Variants in CAMKMT observed in about 807,000 individuals in gnomAD.
The protein encoded by CAMKMT is CaM KMT.
A neutral mutation model predicts 48.0 loss-of-function variants in CAMKMT; 53 were observed. That is an observed-to-expected ratio of 1.10 (90% CI 0.89 to 1.39). CAMKMT has a LOEUF of 1.39. CAMKMT is among the 40% of genes most tolerant of loss of function. CAMKMT has a pLI of 0.00. For synonymous variants in CAMKMT, 165 were observed against 152.3 expected (o/e 1.08, Z -0.61); for missense variants, 428 against 402.7 (o/e 1.06, Z -0.54).
intron 3 of CAMKMT, among the ~76,000 whole-genome samples, chr2:44,451,085 A>C (rs1667262772): frequency 6.6e-6 from 1 of 152,150 alleles, no homozygotes; most frequent in Non-Finnish European, 1.5e-5. Flanking sequence ...CAAATTTTAA[A>C]TCTAATTTCC....
chr2:44,729,341 G>T (rs1414103331), intron 7 of CAMKMT, among the ~76,000 whole-genome samples: 2 of 152,166 alleles, frequency 1.3e-5, no homozygotes, highest in African/African-American at 2.4e-5. Context: ...CAGAAGAGAA[G>T]ATGACCAAGG....
chr2:44,626,033 T>A (rs1558753923), intron 3 of CAMKMT, among the ~76,000 whole-genome samples: 1 of 152,182 alleles, frequency 6.6e-6, no homozygotes, highest in Non-Finnish European at 1.5e-5. Context: ...AGGTTGGCAA[T>A]CTCTAAAAAA....
chr2:44,586,060 G>A (rs1347371066), intron 3 of CAMKMT, among the ~76,000 whole-genome samples: 1 of 152,174 alleles, frequency 6.6e-6, no homozygotes, highest in Non-Finnish European at 1.5e-5. Context: ...TCAGACTAGA[G>A]AAGAGAGACC....
intron 3 of CAMKMT, among the ~76,000 whole-genome samples, chr2:44,462,390 T>C (rs1036124358): frequency 1.3e-4 from 20 of 152,162 alleles, no homozygotes; most frequent in South Asian, 2.1e-4. Context: ...AATGTGCATA[T>C]GATTGGATAA....
intron 7 of CAMKMT, among the ~76,000 whole-genome samples, chr2:44,725,613 C>G: frequency 6.6e-6 from 1 of 152,080 alleles, no homozygotes; most frequent in East Asian, 1.9e-4. Context: ...TTAAAGATAA[C>G]GAAAGGAAAG....
At chr2:44,706,613 A>ATTTTTTTTTTTT (rs35364346) in intron 5 of CAMKMT, among the ~76,000 whole-genome samples, 1 of 136,226 alleles carries the variant, frequency 7.3e-6, no homozygotes, top group African/African-American at 2.7e-5. Context: ...TAGCGAAAGC[A>ATTTTTTTTTTTT]TTTTTTTTTT....
intron 3 of CAMKMT, among the ~76,000 whole-genome samples, chr2:44,661,310 CTTTTT>C (rs764984677): frequency 1.1e-5 from 1 of 89,180 alleles, no homozygotes; most frequent in South Asian, 3.9e-4. Context: ...TGTGAGCAGC[CTTTTT>C]TTTTTTTTTT....
At chr2:44,695,208 G>T (rs1676872057) in intron 3 of CAMKMT, among the ~76,000 whole-genome samples, 1 of 152,008 alleles carries the variant, frequency 6.6e-6, no homozygotes, top group Non-Finnish European at 1.5e-5. Flanking sequence ...TACATGTGCA[G>T]GTTTGTTTTA....
intron 7 of CAMKMT, among the ~76,000 whole-genome samples, chr2:44,733,224 A>T (rs1296158349): frequency 5.3e-5 from 8 of 152,158 alleles, no homozygotes; most frequent in Non-Finnish European, 1.2e-4. Context: ...AATTTCTCTC[A>T]TCCATTGTCA....
chr2:44,527,898 C>G (rs547627238), intron 3 of CAMKMT, among the ~76,000 whole-genome samples: 2 of 150,778 alleles, frequency 1.3e-5, no homozygotes, highest in Non-Finnish European at 2.9e-5. Context: ...GATTACTCTT[C>G]CTCTTTTGAC....
intron 3 of CAMKMT, among the ~76,000 whole-genome samples, chr2:44,487,345 A>G (rs1388560913): frequency 6.6e-6 from 1 of 152,128 alleles, no homozygotes; most frequent in African/African-American, 2.4e-5. Flanking sequence ...TAGCAAAGTC[A>G]TTATAGGTAA....
intron 3 of CAMKMT, among the ~76,000 whole-genome samples, chr2:44,626,928 CA>C (rs1204153042): frequency 6.6e-6 from 1 of 152,172 alleles, no homozygotes; most frequent in East Asian, 1.9e-4. Context: ...GAAGTGTTTA[CA>C]GTGGATATCC....
chr2:44,437,297 A>T (rs1347483264), intron 3 of CAMKMT, among the ~76,000 whole-genome samples: 1 of 151,980 alleles, frequency 6.6e-6, no homozygotes, highest in African/African-American at 2.4e-5. Context: ...TCTTTCTCCA[A>T]CTCCTTAATT....
intron 3 of CAMKMT, among the ~76,000 whole-genome samples, chr2:44,480,223 G>A (rs1185144226): frequency 6.6e-6 from 1 of 152,158 alleles, no homozygotes; most frequent in Non-Finnish European, 1.5e-5. Context: ...AACTGAGGAT[G>A]TAAGTACTGT....
intron 6 of CAMKMT, among the ~76,000 whole-genome samples, chr2:44,714,434 A>C (rs1678058635): frequency 6.6e-6 from 1 of 152,220 alleles, no homozygotes; most frequent in Non-Finnish European, 1.5e-5. Flanking sequence ...TTCCATGCCA[A>C]AGGCCATAGC....
intron 3 of CAMKMT, among the ~76,000 whole-genome samples, chr2:44,567,354 C>G (rs1468295267): frequency 1.3e-5 from 2 of 152,154 alleles, no homozygotes; most frequent in East Asian, 3.8e-4. Flanking sequence ...AGTGGGTGAT[C>G]TCTGCATGGA....
At chr2:44,513,728 C>T (rs1670685259) in intron 3 of CAMKMT, among the ~76,000 whole-genome samples, 1 of 152,164 alleles carries the variant, frequency 6.6e-6, no homozygotes, top group South Asian at 2.1e-4. Flanking sequence ...TTGACTTATT[C>T]TGACAGTGCA....
chr2:44,593,512 C>G (rs954309697), intron 3 of CAMKMT, among the ~76,000 whole-genome samples: 6 of 152,294 alleles, frequency 3.9e-5, no homozygotes, highest in Middle Eastern at 3.4e-3. Flanking sequence ...TTTGGGTTCC[C>G]TGTCCCAATG....
chr2:44,684,768 G>C (rs1460710059), intron 3 of CAMKMT, among the ~76,000 whole-genome samples: 2 of 152,196 alleles, frequency 1.3e-5, no homozygotes, highest in African/African-American at 4.8e-5. Flanking sequence ...CTCCTCCCCA[G>C]AGGATCTATC....
Sources: allele counts gnomAD v4.1 joint callset (sites outside exome capture counted in the v4.1 genomes callset), GRCh38; gene constraint gnomAD v4.1.1; transcripts MANE v1.5; gene names NCBI Gene and HGNC (gene_info 2026-07-23, HGNC 2026-07-21).